The following EYS variants were observed in gnomAD, a reference collection of about 807,000 sequenced individuals.
The protein encoded by EYS is EGF-like photoreceptor maintenance factor.
EYS carries 250 observed loss-of-function variants against 282.1 expected under a neutral mutation model. That is an observed-to-expected ratio of 0.89 (90% confidence interval 0.80 to 0.98). The LOEUF (loss-of-function observed/expected upper bound fraction) is 0.98, where lower values mean the gene tolerates loss of function less well. EYS is among the 50% of genes least tolerant of loss of function. The probability of loss-of-function intolerance (pLI) is 0.00; values close to 1 mark genes in which losing one functional copy is unlikely to be tolerated. For missense variants in EYS, 4,016 were observed against 3,709.0 expected, an observed-to-expected ratio of 1.08 and a Z score of -2.15; for synonymous variants, 1,355 against 1,282.9, an observed-to-expected ratio of 1.06 and a Z score of -1.20.
chr6:65,114,279 C>A lies in EYS; in HGVS notation c.2024-56552G>T, dbSNP rs928926232. On this transcript the variant is annotated intron_variant, in intron 12 of 42. Coordinates refer to ENST00000503581, the MANE Select transcript of EYS (RefSeq NM_001142800.2). ...TATATGTAACTCTTATGAAATAAAACAAACTATATTTCTTTGCCTTACATT... is the reference window on the plus strand; with the variant it reads ...TATATGTAACTCTTATGAAATAAAAAAAACTATATTTCTTTGCCTTACATT... Among the ~76,000 whole-genome samples, 5 of 149,328 alleles carry A rather than the reference C, an allele frequency of 3.3e-5. No individual in the cohort carries two copies. The East Asian group carries it at 7.9e-4, about 24-fold the overall frequency.
chr6:65,342,755 C>T lies in EYS; in HGVS notation c.1599+1283G>A, dbSNP rs574951790. Among the ~76,000 whole-genome samples, 16 of 150,328 alleles carry T rather than the reference C, an allele frequency of 1.1e-4. No individual in the cohort carries two copies. In the South Asian group the frequency reaches 3.1e-3, roughly 30 times the overall value. On this transcript the variant is annotated intron_variant, in intron 10 of 42. Coordinates refer to ENST00000503581, the MANE Select transcript of EYS (RefSeq NM_001142800.2). ...TGTAATCATAAAGTAATAAAATAGC[C>T]AAAATGATCTTAGATTGCTATATTT...
chr6:64,748,440 C>A (rs141156159), intron 22 of EYS, among the ~76,000 whole-genome samples: 20 of 152,340 alleles, frequency 1.3e-4, no homozygotes, highest in Non-Finnish European at 2.6e-4. Context: ...CTCTTGCGTG[C>A]ACAGTTCACA....
chr6:64,583,311 C>T (rs1221690309), intron 26 of EYS, among the ~76,000 whole-genome samples: 1 of 151,800 alleles, frequency 6.6e-6, no homozygotes, highest in South Asian at 2.1e-4. Context: ...TCAAAAAAAA[C>T]CCTAGGATAT....
At chr6:65,235,763 GCAAA>G (rs1766906489) in intron 12 of EYS, among the ~76,000 whole-genome samples, 1 of 151,990 alleles carries the variant, frequency 6.6e-6, no homozygotes, top group African/African-American at 2.4e-5. Context: ...AAGTAACAAA[GCAAA>G]ATATATACAT....
intron 35 of EYS, among the ~76,000 whole-genome samples, chr6:63,974,707 G>A (rs545730456): frequency 2.6e-5 from 4 of 151,930 alleles, no homozygotes; most frequent in South Asian, 2.1e-4. Context: ...TTTCAAATTC[G>A]GTGTAAGGAA....
At position 64,067,764 on chromosome 6, in the gene EYS, C is replaced by A. The variant is rs369739591; in HGVS notation, c.6572-1273G>T. On this transcript the variant is annotated intron_variant, in intron 32 of 42. Transcript: ENST00000503581. ...GGTGGATCTTGGAATGTATCCCTTGCAAATAATGAGGGACTACTGCATTTG... is the reference window on the plus strand; with the variant it reads ...GGTGGATCTTGGAATGTATCCCTTGAAAATAATGAGGGACTACTGCATTTG... Among the ~76,000 whole-genome samples, 17 of 152,092 alleles carry A rather than the reference C, an allele frequency of 1.1e-4. No homozygotes were observed. In the East Asian group the frequency reaches 1.5e-3, roughly 14 times the overall value.
rs1768049534 is a variant in EYS at position 64,638,934 on chromosome 6, G to A, written c.3444-12689C>T. 2.3e-5 allele frequency among the ~76,000 whole-genome samples: 2 copies of A among 86,778 alleles called. 1 individual carries two copies. Among genetic ancestry groups the A allele is most frequent in the South Asian group, 8.9e-4 (2 of 2,238 alleles). The allele number at this position is 86,778 out of a possible 152,430, so 56.9% of individuals were successfully genotyped here. ...AAATTCTTTCCTTGTTTACCTCCCT[G>A]CCCCCTCTAGTAGATTTTCAGGGTT... On this transcript the variant is annotated intron_variant, in intron 22 of 42. Coordinates refer to ENST00000503581, the MANE Select transcript of EYS (RefSeq NM_001142800.2).
chr6:64,822,149 C>A (rs1764918440), intron 20 of EYS, among the ~76,000 whole-genome samples: 1 of 151,998 alleles, frequency 6.6e-6, no homozygotes, highest in Non-Finnish European at 1.5e-5. Flanking sequence ...TCTTTGCCAC[C>A]TGCATCTTCT....
chr6:65,026,583 C>T (rs577086408), intron 13 of EYS, among the ~76,000 whole-genome samples: 60 of 152,232 alleles, frequency 3.9e-4, no homozygotes, highest in Non-Finnish European at 6.8e-4. Context: ...AGTCCAAAGT[C>T]CACCTAGCAT....
At chr6:63,722,600 G>T (rs550392186) in intron 42 of EYS, among the ~76,000 whole-genome samples, 35 of 152,332 alleles carry the variant, frequency 2.3e-4, no homozygotes, top group African/African-American at 8.2e-4. Context: ...GCTTGAAGAG[G>T]ATAGCAAAAT....
chr6:64,136,605 A>G (rs1217529850), intron 31 of EYS, among the ~76,000 whole-genome samples: 2 of 152,150 alleles, frequency 1.3e-5, no homozygotes, highest in African/African-American at 4.8e-5. Flanking sequence ...GCATGAAAAA[A>G]AATTAATCAA....
chr6:64,361,872 T>G (rs948133667), intron 29 of EYS, among the ~76,000 whole-genome samples: 1 of 151,858 alleles, frequency 6.6e-6, no homozygotes, highest in Non-Finnish European at 1.5e-5. Context: ...AAATGACATT[T>G]AGAAATAGGC....
chr6:64,110,900 G>T (rs1402210731), intron 31 of EYS, among the ~76,000 whole-genome samples: 2 of 151,942 alleles, frequency 1.3e-5, no homozygotes, highest in African/African-American at 4.8e-5. Flanking sequence ...ATCAGCCTGT[G>T]TTACAGCAGG....
At chr6:64,955,175 ACT>A (rs1273618202) in intron 14 of EYS, among the ~76,000 whole-genome samples, 1 of 150,950 alleles carries the variant, frequency 6.6e-6, no homozygotes, top group African/African-American at 2.4e-5. Flanking sequence ...ACAGAGTGAG[ACT>A]CTGTCTCAAA....
chr6:64,939,427 A>G (rs563909462), intron 15 of EYS, among the ~76,000 whole-genome samples: 1 of 152,094 alleles, frequency 6.6e-6, no homozygotes, highest in Admixed American at 6.6e-5. Context: ...AAGCCATGTC[A>G]GGGTTATCTA....
At chr6:64,769,855 C>G (rs1434210777) in intron 22 of EYS, among the ~76,000 whole-genome samples, 1 of 151,772 alleles carries the variant, frequency 6.6e-6, no homozygotes, top group Admixed American at 6.6e-5. Flanking sequence ...GTTTAAGGAA[C>G]TAAAAGTATT....
intron 31 of EYS, among the ~76,000 whole-genome samples, chr6:64,093,350 G>T (rs1772445543): frequency 6.6e-6 from 1 of 152,104 alleles, no homozygotes; most frequent in South Asian, 2.1e-4. Context: ...CGGGCAGTAT[G>T]GCCATTTTCA....
chr6:64,344,748 G>A (rs940509757), intron 29 of EYS, among the ~76,000 whole-genome samples: 4 of 152,152 alleles, frequency 2.6e-5, no homozygotes, highest in African/African-American at 9.6e-5. Flanking sequence ...AGGAAAAGAG[G>A]AAGTCAAATT....
chr6:64,819,033 G>A (rs1764822395), intron 21 of EYS, among the ~76,000 whole-genome samples: 1 of 152,068 alleles, frequency 6.6e-6, no homozygotes, highest in Non-Finnish European at 1.5e-5. Flanking sequence ...ATATTGACCC[G>A]AGTGCTCTTT....
Sources: gnomAD v4.1 joint callset for allele counts (sites outside exome capture counted in the v4.1 genomes callset) on GRCh38, gnomAD v4.1.1 for gene constraint, MANE v1.5 for transcripts, NCBI Gene and HGNC (gene_info 2026-07-23, HGNC 2026-07-21) for gene names.